The following DPP10 variants were observed in gnomAD, a reference collection of about 807,000 sequenced individuals.
DPP10 encodes dipeptidyl peptidase like 10.
A neutral mutation model predicts 120.9 loss-of-function variants in DPP10; 33 were observed. That is an observed-to-expected ratio of 0.27 (90% CI 0.21 to 0.37). DPP10 has a LOEUF of 0.37. Ranked by LOEUF, DPP10 falls within the 10% of genes least tolerant of loss-of-function variation. DPP10 has a pLI of 1.00. For missense variants in DPP10, 816 were observed against 942.8 expected, an observed-to-expected ratio of 0.87 and a Z score of 1.76; for synonymous variants, 337 against 326.1, an observed-to-expected ratio of 1.03 and a Z score of -0.36.
chr2:114,930,485 A>G (rs1329773071), intron 1 of DPP10, among the ~76,000 whole-genome samples: 2 of 152,204 alleles, frequency 1.3e-5, no homozygotes, highest in Non-Finnish European at 2.9e-5. Context: ...GCAATGCAGG[A>G]AAGTTCTTTG....
At chr2:115,086,297 C>T (rs1177329002) in intron 1 of DPP10, among the ~76,000 whole-genome samples, 1 of 152,034 alleles carries the variant, frequency 6.6e-6, no homozygotes, top group Admixed American at 6.6e-5. Context: ...TATCTTAACC[C>T]GAATATTTCT....
chr2:114,813,838 T>G (rs1157328344), intron 1 of DPP10, among the ~76,000 whole-genome samples: 1 of 152,012 alleles, frequency 6.6e-6, no homozygotes, highest in African/African-American at 2.4e-5. Flanking sequence ...AAGAATATGC[T>G]TGTAACACTA....
chr2:115,796,675 T>G (rs992280911), intron 19 of DPP10, among the ~76,000 whole-genome samples: 1 of 152,158 alleles, frequency 6.6e-6, no homozygotes, highest in African/African-American at 2.4e-5. Context: ...CTTCACTGTT[T>G]CTTTTTACAA....
intron 3 of DPP10, among the ~76,000 whole-genome samples, chr2:115,400,997 G>T (rs775048177): frequency 6.6e-5 from 10 of 152,198 alleles, no homozygotes; most frequent in Non-Finnish European, 1.3e-4. Context: ...ATTTGTGTTA[G>T]CACACAGAGG....
chr2:115,344,834 T>G (rs1457797773), intron 3 of DPP10, among the ~76,000 whole-genome samples: 1 of 152,208 alleles, frequency 6.6e-6, no homozygotes, highest in Admixed American at 6.5e-5. Flanking sequence ...TTGCTAATTT[T>G]CAAGGCATAG....
intron 5 of DPP10, among the ~76,000 whole-genome samples, chr2:115,578,220 C>G (rs1157061373): frequency 6.6e-6 from 1 of 152,114 alleles, no homozygotes; most frequent in East Asian, 1.9e-4. Context: ...ATACTCTCTT[C>G]ACAGTATAAT....
chr2:115,643,200 G>A (rs2086929877), intron 5 of DPP10, among the ~76,000 whole-genome samples: 1 of 151,822 alleles, frequency 6.6e-6, no homozygotes, highest in South Asian at 2.1e-4. Flanking sequence ...TGACCTTAGT[G>A]GGTTAGTTTT....
chr2:114,726,062 C>G (rs1702027779), intron 1 of DPP10, among the ~76,000 whole-genome samples: 1 of 151,972 alleles, frequency 6.6e-6, no homozygotes, highest in Admixed American at 6.5e-5. Context: ...GAAACCCCGT[C>G]TCTACTAAAA....
At chr2:115,290,675 G>A (rs1312289892) in intron 1 of DPP10, among the ~76,000 whole-genome samples, 1 of 152,072 alleles carries the variant, frequency 6.6e-6, no homozygotes, top group Non-Finnish European at 1.5e-5. Context: ...GCTGACACGG[G>A]ATTTGTTAGC....
At chr2:114,479,793 C>T (rs574193818) in intron 1 of DPP10, among the ~76,000 whole-genome samples, 22 of 152,184 alleles carry the variant, frequency 1.4e-4, no homozygotes, top group African/African-American at 4.6e-4. Flanking sequence ...CCATTCAGGA[C>T]ATAGGCATGG....
chr2:114,791,067 C>A (rs1392209978), intron 1 of DPP10, among the ~76,000 whole-genome samples: 2 of 152,106 alleles, frequency 1.3e-5, no homozygotes, highest in Non-Finnish European at 2.9e-5. Context: ...AACCACTATT[C>A]TGGTATAAAA....
At chr2:114,456,334 C>A (rs939607949) in intron 1 of DPP10, among the ~76,000 whole-genome samples, 1 of 152,218 alleles carries the variant, frequency 6.6e-6, no homozygotes, top group African/African-American at 2.4e-5. Flanking sequence ...GACAAGTTTG[C>A]ACAAATCTGG....
At chr2:115,810,260 C>A (rs56996329) in intron 19 of DPP10, among the ~76,000 whole-genome samples, 8,063 of 151,602 alleles carry the variant, frequency 0.053, 699 homozygotes, top group African/African-American at 0.18. Flanking sequence ...AATAAAAAAA[C>A]CAATTAATTC....
rs528188176 is a variant in DPP10, at chr2:114,780,435, A to G, written c.60+337597A>G. 2.7e-4 allele frequency among the ~76,000 whole-genome samples: 41 copies of G among 152,246 alleles called. 2 individuals carry two copies. In the South Asian group the frequency reaches 8.3e-3, roughly 31 times the overall value. On this transcript the variant is annotated intron_variant, in intron 1 of 25. Coordinates refer to ENST00000410059, the MANE Select transcript of DPP10 (RefSeq NM_020868.6). ...AAGCACCAACCTAAGTTCCAATCTAATTTCAGAAGTCTGAATCATTATTTT... is the reference window on the plus strand; with the variant it reads ...AAGCACCAACCTAAGTTCCAATCTAGTTTCAGAAGTCTGAATCATTATTTT...
At chr2:115,131,535 G>A (rs1414417015) in intron 1 of DPP10, among the ~76,000 whole-genome samples, 1 of 151,522 alleles carries the variant, frequency 6.6e-6, no homozygotes, top group Non-Finnish European at 1.5e-5. Context: ...GAAGAAGAAG[G>A]GTAGCAAATA....
intron 1 of DPP10, among the ~76,000 whole-genome samples, chr2:114,830,253 C>T (rs72832416): frequency 6.6e-6 from 1 of 151,992 alleles, no homozygotes; most frequent in Non-Finnish European, 1.5e-5. Context: ...TCGAGTACCC[C>T]CCTTACACTA....
chr2:115,032,962 C>G (rs1485308495), intron 1 of DPP10, among the ~76,000 whole-genome samples: 1 of 151,594 alleles, frequency 6.6e-6, no homozygotes, highest in East Asian at 1.9e-4. Context: ...GTTTTTTATC[C>G]CTTTGCTCTC....
chr2:114,719,548 G>T (rs1038663117), intron 1 of DPP10, among the ~76,000 whole-genome samples: 3 of 152,172 alleles, frequency 2.0e-5, no homozygotes, highest in Admixed American at 6.5e-5. Context: ...CCATAAGTGG[G>T]CCTTTAACAT....
intron 1 of DPP10, among the ~76,000 whole-genome samples, chr2:114,720,878 A>G (rs1442232606): frequency 6.6e-6 from 1 of 152,192 alleles, no homozygotes; most frequent in Non-Finnish European, 1.5e-5. Context: ...CACCTATCAC[A>G]GTGATTCTGA....
Sources: gnomAD v4.1 joint callset for allele counts (sites outside exome capture counted in the v4.1 genomes callset) on GRCh38, gnomAD v4.1.1 for gene constraint, MANE v1.5 for transcripts, NCBI Gene and HGNC (gene_info 2026-07-23, HGNC 2026-07-21) for gene names.